LINGO2: variants seen among roughly 807,000 people sequenced by gnomAD.
LINGO2 encodes the protein leucine-rich repeat and immunoglobulin-like domain-containing nogo receptor-interacting protein 2.
Under a neutral mutation model 30.6 loss-of-function variants are expected in LINGO2, and 14 were observed. The ratio of observed to expected loss-of-function variants is 0.46; its 90% confidence interval spans 0.30 to 0.72. LINGO2 has a LOEUF of 0.72. Ranked by LOEUF, LINGO2 falls within the 30% of genes least tolerant of loss-of-function variation. The pLI is 0.07. For missense variants in LINGO2, 729 were observed against 751.7 expected (o/e 0.97, Z 0.35); for synonymous variants, 317 against 288.5 (o/e 1.10, Z -1.00).
chr9:28,735,520 A>C, the LINGO2 span, among the ~76,000 whole-genome samples: 1 of 152,166 alleles, frequency 6.6e-6, no homozygotes, highest in South Asian at 2.1e-4. Context: ...GGCTTCTATT[A>C]TGGCTCAAAT....
chr9:28,287,691 A>G (rs1823566507), intron 4 of LINGO2, among the ~76,000 whole-genome samples: 2 of 152,172 alleles, frequency 1.3e-5, no homozygotes, highest in Non-Finnish European at 2.9e-5. Flanking sequence ...AAAGGGAAAT[A>G]AAGTAGGGTA....
At chr9:28,338,100 G>A (rs1005827270) in intron 3 of LINGO2, among the ~76,000 whole-genome samples, 4 of 152,262 alleles carry the variant, frequency 2.6e-5, no homozygotes, top group African/African-American at 9.6e-5. Flanking sequence ...AGATGTACCT[G>A]GCAAAGCCAC....
the LINGO2 span, among the ~76,000 whole-genome samples, chr9:28,735,199 G>A: frequency 2.6e-5 from 4 of 152,292 alleles, no homozygotes; most frequent in East Asian, 7.7e-4. Flanking sequence ...AGAGTGGGAA[G>A]TTGAAGGGAG....
At chr9:29,027,258 T>A in the LINGO2 span, among the ~76,000 whole-genome samples, 1 of 152,210 alleles carries the variant, frequency 6.6e-6, no homozygotes, top group Non-Finnish European at 1.5e-5. Context: ...TGTTCTAGCA[T>A]TAAATAATGA....
chr9:28,043,816 A>G (rs1327346909), intron 4 of LINGO2, among the ~76,000 whole-genome samples: 1 of 152,212 alleles, frequency 6.6e-6, no homozygotes, highest in East Asian at 1.9e-4. Context: ...TCCAGGAGCT[A>G]TTTAAAAGCC....
At chr9:29,118,481 T>C in the LINGO2 span, among the ~76,000 whole-genome samples, 2 of 152,110 alleles carry the variant, frequency 1.3e-5, no homozygotes, top group East Asian at 3.9e-4. Context: ...CAACCAACGA[T>C]CTGGCAGCCG....
chr9:28,583,026 T>C (rs1824339235), intron 1 of LINGO2, among the ~76,000 whole-genome samples: 1 of 151,950 alleles, frequency 6.6e-6, no homozygotes, highest in African/African-American at 2.4e-5. Flanking sequence ...AGGACAATCA[T>C]TAAATGAGGG....
chr9:28,909,096 C>A, the LINGO2 span, among the ~76,000 whole-genome samples: 1 of 152,044 alleles, frequency 6.6e-6, no homozygotes, highest in South Asian at 2.1e-4. Flanking sequence ...TTCTGCTTCT[C>A]AAAGCATGTC....
chr9:28,423,370 G>A (rs10812818), intron 2 of LINGO2, among the ~76,000 whole-genome samples: 45,735 of 151,818 alleles, frequency 0.3, 7,855 homozygotes, highest in Non-Finnish European at 0.38. Context: ...AACAGTAAAC[G>A]ATTTAGAACT....
chr9:28,986,411 A>G, the LINGO2 span, among the ~76,000 whole-genome samples: 2 of 152,030 alleles, frequency 1.3e-5, no homozygotes, highest in East Asian at 1.9e-4. Flanking sequence ...TCTATGAACA[A>G]TAACAATGGA....
intron 2 of LINGO2, among the ~76,000 whole-genome samples, chr9:28,425,138 G>C (rs1414788879): frequency 6.6e-6 from 1 of 150,726 alleles, no homozygotes; most frequent in Non-Finnish European, 1.5e-5. Context: ...TAACTCCCAT[G>C]GTTTCTTTTA....
the LINGO2 span, among the ~76,000 whole-genome samples, chr9:28,692,003 A>G: frequency 1.3e-5 from 2 of 152,188 alleles, no homozygotes; most frequent in Non-Finnish European, 2.9e-5. Context: ...CTCATCCCTC[A>G]TTATCTCCAA....
intron 4 of LINGO2, among the ~76,000 whole-genome samples, chr9:28,284,656 C>A (rs1823442769): frequency 6.6e-6 from 1 of 152,172 alleles, no homozygotes; most frequent in South Asian, 2.1e-4. Flanking sequence ...AAGACCGTTT[C>A]TATGAGTGTA....
the LINGO2 span, among the ~76,000 whole-genome samples, chr9:29,043,975 C>G: frequency 1.3e-5 from 2 of 152,020 alleles, no homozygotes; most frequent in Admixed American, 1.3e-4. Flanking sequence ...CTGTGTATTT[C>G]TTTTGACTGC....
chr9:29,100,455 G>T, the LINGO2 span, among the ~76,000 whole-genome samples: 1 of 151,916 alleles, frequency 6.6e-6, no homozygotes, highest in Non-Finnish European at 1.5e-5. Flanking sequence ...TTAGCCAGGG[G>T]TGGTGACACA....
chr9:28,950,625 T>A, the LINGO2 span, among the ~76,000 whole-genome samples: 2 of 152,116 alleles, frequency 1.3e-5, no homozygotes. Context: ...AGGCAAATCA[T>A]GAGTGAACTC....
chr9:28,385,383 A>G (rs10491891), intron 2 of LINGO2, among the ~76,000 whole-genome samples: 17,021 of 152,194 alleles, frequency 0.11, 1,012 homozygotes, highest in East Asian at 0.21. Flanking sequence ...GCAAATTCAC[A>G]TACAGGTTGA....
intron 3 of LINGO2, among the ~76,000 whole-genome samples, chr9:28,346,767 A>G (rs1819592447): frequency 6.7e-6 from 1 of 149,902 alleles, no homozygotes; most frequent in Non-Finnish European, 1.5e-5. Flanking sequence ...TTTGATTTGC[A>G]TTTCTCTAAT....
chr9:29,038,312 A>C, the LINGO2 span, among the ~76,000 whole-genome samples: 1 of 152,020 alleles, frequency 6.6e-6, no homozygotes, highest in East Asian at 1.9e-4. Flanking sequence ...CTGATAATTG[A>C]CATTAGTTTA....
Sources: gnomAD v4.1 joint callset for allele counts (sites outside exome capture counted in the v4.1 genomes callset) on GRCh38, gnomAD v4.1.1 for gene constraint, MANE v1.5 for transcripts, NCBI Gene and HGNC (gene_info 2026-07-23, HGNC 2026-07-21) for gene names.